SPHKAP: variants seen among roughly 807,000 people sequenced by gnomAD.
The protein encoded by SPHKAP is SPHK1 interactor, AKAP domain containing, also known as A-kinase anchor protein SPHKAP.
In SPHKAP, 67 loss-of-function variants were observed where a neutral mutation model predicts 137.5. The observed-to-expected ratio is 0.49, with a 90% CI of 0.40 to 0.60. SPHKAP has a LOEUF of 0.60. Ranked by LOEUF, SPHKAP falls within the 20% of genes least tolerant of loss-of-function variation. The pLI is 0.00. For synonymous variants in SPHKAP, 813 were observed against 785.3 expected (o/e 1.04, Z -0.59); for missense variants, 2,097 against 2,069.3 (o/e 1.01, Z -0.26).
chr2:228,099,339 G>A (rs1450331255), intron 3 of SPHKAP, among the ~76,000 whole-genome samples: 1 of 152,132 alleles, frequency 6.6e-6, no homozygotes, highest in Non-Finnish European at 1.5e-5. Context: ...GGTGGTAGAT[G>A]TGCAGCTTTA....
At chr2:227,989,037 T>C (rs1349089100) in intron 11 of SPHKAP, among the ~76,000 whole-genome samples, 1 of 152,190 alleles carries the variant, frequency 6.6e-6, no homozygotes, top group Non-Finnish European at 1.5e-5. Context: ...TTTTCAATTT[T>C]TCCTGTAGTC....
intron 3 of SPHKAP, among the ~76,000 whole-genome samples, chr2:228,082,386 T>C (rs1486705487): frequency 6.6e-6 from 1 of 152,206 alleles, no homozygotes; most frequent in Non-Finnish European, 1.5e-5. Context: ...TTCATGGGGT[T>C]GCTGTAAAAC....
intron 3 of SPHKAP, among the ~76,000 whole-genome samples, chr2:228,039,892 C>A (rs1695773280): frequency 6.6e-6 from 1 of 152,142 alleles, no homozygotes; most frequent in Non-Finnish European, 1.5e-5. Flanking sequence ...ACATTTTAGA[C>A]TATTCTGATA....
At chr2:228,166,478 T>C (rs1700426341) in intron 1 of SPHKAP, among the ~76,000 whole-genome samples, 1 of 152,182 alleles carries the variant, frequency 6.6e-6, no homozygotes, top group African/African-American at 2.4e-5. Context: ...GTTTTATCTC[T>C]TCCTTTCAAA....
At chr2:228,146,657 G>T (rs1699784648) in intron 1 of SPHKAP, among the ~76,000 whole-genome samples, 1 of 152,164 alleles carries the variant, frequency 6.6e-6, no homozygotes, top group African/African-American at 2.4e-5. Flanking sequence ...TGCAGTATTT[G>T]GTTTTCTGTT....
chr2:228,080,224 C>T (rs889942087), intron 3 of SPHKAP, among the ~76,000 whole-genome samples: 3 of 152,020 alleles, frequency 2.0e-5, no homozygotes, highest in South Asian at 2.1e-4. Flanking sequence ...GCAGATCATG[C>T]GTCTAATGGG....
chr2:228,138,190 C>T (rs1699493068), intron 1 of SPHKAP, among the ~76,000 whole-genome samples: 1 of 152,160 alleles, frequency 6.6e-6, no homozygotes, highest in Non-Finnish European at 1.5e-5. Flanking sequence ...CTAGTAAGCA[C>T]CCCGTTAGGA....
intron 2 of SPHKAP, among the ~76,000 whole-genome samples, chr2:228,124,107 G>T (rs982665617): frequency 3.3e-5 from 5 of 151,988 alleles, no homozygotes; most frequent in Non-Finnish European, 7.4e-5. Context: ...AGGATGTGGA[G>T]AAATAGGAAC....
Position 228,158,589 on chromosome 2 carries a change from T to C in SPHKAP, c.32+22978A>G, listed in dbSNP as rs184076384. 4.3e-3 allele frequency among the ~76,000 whole-genome samples: 654 copies of C among 152,216 alleles called. 12 individuals carry two copies. The highest frequency in any genetic ancestry group is 3.6e-3 in the Non-Finnish European group (246 of 68,000). On this transcript the variant is annotated intron_variant, in intron 1 of 11. Transcript: ENST00000392056. ...AAAAAGATTCAAAATTCAAGAAGAA[T>C]AGAATTGGGAATGAAAAAGGGAGAG... is the stretch of plus-strand genomic sequence containing the variant.
At chr2:228,088,976 GA>G (rs1559166882) in intron 3 of SPHKAP, among the ~76,000 whole-genome samples, 1 of 152,162 alleles carries the variant, frequency 6.6e-6, no homozygotes, top group Non-Finnish European at 1.5e-5. Flanking sequence ...TGGCACTAAG[GA>G]GTGGGGCATT....
At chr2:228,175,767 C>A (rs1700721356) in intron 1 of SPHKAP, among the ~76,000 whole-genome samples, 1 of 151,254 alleles carries the variant, frequency 6.6e-6, no homozygotes. Flanking sequence ...GATACAATAC[C>A]CTATCTATAA....
intron 3 of SPHKAP, among the ~76,000 whole-genome samples, chr2:228,047,330 G>C (rs1428586859): frequency 6.6e-6 from 1 of 151,988 alleles, no homozygotes; most frequent in Non-Finnish European, 1.5e-5. Context: ...GCTGGGTGTG[G>C]TGGCAGGTGC....
chr2:228,104,541 T>C (rs1025003866), intron 3 of SPHKAP, among the ~76,000 whole-genome samples: 1 of 151,968 alleles, frequency 6.6e-6, no homozygotes, highest in South Asian at 2.1e-4. Flanking sequence ...ATACGAATTA[T>C]ATGAGATGTC....
At chr2:228,001,334 TATAA>T (rs1299685147) in intron 7 of SPHKAP, among the ~76,000 whole-genome samples, 40 of 143,228 alleles carry the variant, frequency 2.8e-4, no homozygotes, top group Non-Finnish European at 4.2e-4. Context: ...TATATACATA[TATAA>T]ATATATATAC....
intron 3 of SPHKAP, among the ~76,000 whole-genome samples, chr2:228,060,174 C>T (rs567135794): frequency 1.3e-5 from 2 of 152,248 alleles, no homozygotes; most frequent in Non-Finnish European, 2.9e-5. Flanking sequence ...AGGGATATGT[C>T]TACTGCTTGT....
chr2:228,149,427 T>C (rs1260394459), intron 1 of SPHKAP, among the ~76,000 whole-genome samples: 1 of 152,234 alleles, frequency 6.6e-6, no homozygotes, highest in Non-Finnish European at 1.5e-5. Context: ...CATTGCCTGA[T>C]AGTCACTGGT....
chr2:228,108,541 T>C (rs1698412897), intron 3 of SPHKAP, among the ~76,000 whole-genome samples: 1 of 152,220 alleles, frequency 6.6e-6, no homozygotes, highest in African/African-American at 2.4e-5. Flanking sequence ...AATGGCTTTC[T>C]ACTTCTCATC....
Position 228,088,171 on chromosome 2 carries a change from C to A in SPHKAP, c.246+20661G>T, listed in dbSNP as rs555017370. 5.8e-4 allele frequency among the ~76,000 whole-genome samples: 88 copies of A among 152,116 alleles called. 2 individuals carry two copies. In the South Asian group the frequency reaches 0.018, roughly 31 times the overall value. ...CCACAAATTGTAAATATAAAAAATT[C>A]TGTAAATATATACTTCCTCTCTATT... is the stretch of plus-strand genomic sequence containing the variant. On this transcript the variant is annotated intron_variant, in intron 3 of 11. Coordinates refer to ENST00000392056, the MANE Select transcript of SPHKAP (RefSeq NM_001142644.2).
chr2:228,171,816 T>C (rs1445976909), intron 1 of SPHKAP, among the ~76,000 whole-genome samples: 2 of 152,282 alleles, frequency 1.3e-5, no homozygotes, highest in East Asian at 1.9e-4. Context: ...AGAGAGTGTC[T>C]GCTCAATAAA....
Sources: gnomAD v4.1 joint callset for allele counts (sites outside exome capture counted in the v4.1 genomes callset) on GRCh38, gnomAD v4.1.1 for gene constraint, MANE v1.5 for transcripts, NCBI Gene and HGNC (gene_info 2026-07-23, HGNC 2026-07-21) for gene names.